ANKRD13C: variants seen among roughly 807,000 people sequenced by gnomAD.
ANKRD13C encodes the protein ankyrin repeat domain 13C, also known as ankyrin repeat domain-containing protein 13C.
Under a neutral mutation model 65.5 loss-of-function variants are expected in ANKRD13C, and 16 were observed. The ratio of observed to expected loss-of-function variants is 0.24; its 90% CI spans 0.17 to 0.37. The LOEUF (loss-of-function observed/expected upper bound fraction) is 0.37, where lower values mean the gene tolerates loss of function less well. Among genes scored for constraint, ANKRD13C ranks in the 10% least tolerant of loss-of-function variants. The pLI is 1.00. For missense variants in ANKRD13C, 503 were observed against 655.9 expected (o/e 0.77, Z 2.55); for synonymous variants, 235 against 238.7 (o/e 0.98, Z 0.14).
intron 9 of ANKRD13C, among the ~76,000 whole-genome samples, chr1:70,277,618 T>C (rs1199735060): frequency 6.6e-6 from 1 of 151,944 alleles, no homozygotes; most frequent in Non-Finnish European, 1.5e-5. Context: ...AAGATAGCAA[T>C]CTTCTGTGGG....
intron 10 of ANKRD13C, among the ~76,000 whole-genome samples, chr1:70,275,868 A>G (rs1679109180): frequency 6.7e-6 from 1 of 150,324 alleles, no homozygotes; most frequent in African/African-American, 2.4e-5. Context: ...GGCTGAGGTG[A>G]GAAAATGGCT....
intron 6 of ANKRD13C, among the ~76,000 whole-genome samples, chr1:70,304,061 T>A (rs1178609803): frequency 6.6e-6 from 1 of 152,124 alleles, no homozygotes; most frequent in South Asian, 2.1e-4. Flanking sequence ...TGTGTGTGTG[T>A]GACAGGGACT....
At position 70,262,681 on chromosome 1, in the gene ANKRD13C, C is replaced by A; in HGVS notation, c.*36G>T. The stretch of plus-strand genomic sequence containing the variant: ...TCCACTTCTAGGGTCTCTGTATTTT[C>A]TTTCCTTGGTTAGACGGCATCCTTT... On this transcript the variant is annotated 3_prime_UTR_variant, in exon 13 of 13. Transcript: ENST00000370944. The A allele has an allele frequency of 6.3e-7, 1 of 1,596,280 alleles. No homozygotes were observed. Among genetic ancestry groups the A allele is most frequent in the South Asian group, 1.1e-5 (1 of 88,772 alleles).
intron 2 of ANKRD13C, among the ~76,000 whole-genome samples, chr1:70,330,280 G>A (rs920921624): frequency 4.6e-5 from 7 of 152,014 alleles, no homozygotes; most frequent in Admixed American, 2.0e-4. Flanking sequence ...CATTTAGGCC[G>A]GAAACAGTGG....
chr1:70,271,616 A>G (rs1367587782), intron 11 of ANKRD13C, among the ~76,000 whole-genome samples: 2 of 152,114 alleles, frequency 1.3e-5, no homozygotes, highest in Non-Finnish European at 2.9e-5. Flanking sequence ...TCAGATAAGT[A>G]AAGACATATG....
chr1:70,330,231 GA>G (rs1681724856), intron 2 of ANKRD13C, among the ~76,000 whole-genome samples: 1 of 152,092 alleles, frequency 6.6e-6, no homozygotes, highest in Admixed American at 6.6e-5. Context: ...TCAAGGCAAG[GA>G]CTGTGAAAAA....
At chr1:70,326,777 C>T (rs1174148530) in intron 2 of ANKRD13C, among the ~76,000 whole-genome samples, 2 of 151,472 alleles carry the variant, frequency 1.3e-5, no homozygotes, top group Non-Finnish European at 1.5e-5. Context: ...AGACTAGAGT[C>T]ATATCAAAAG....
Position 70,262,864 on chromosome 1 carries a change from A to G in ANKRD13C, c.1496-17T>C, listed in dbSNP as rs190340576. 3.1e-6 allele frequency: 5 copies of G among 1,601,394 alleles called. No homozygotes were observed. The Admixed American group carries it at 6.7e-5, about 21-fold the overall frequency. On this transcript the variant is annotated splice_polypyrimidine_tract_variant and intron_variant, in intron 12 of 12. Transcript: ENST00000370944. ...CAGGTATATCTACAGAGAGAACATC[A>G]ATGATAGCATTGTAAAATCAAATGT...
At chr1:70,277,005 T>C (rs1289951579) in intron 9 of ANKRD13C, among the ~76,000 whole-genome samples, 161 bp from the exon 10 acceptor site, 5 of 152,160 alleles carry the variant, frequency 3.3e-5, no homozygotes, top group African/African-American at 1.2e-4. Context: ...CGTTCCATGG[T>C]GGTTTAAGCT....
intron 2 of ANKRD13C, among the ~76,000 whole-genome samples, chr1:70,327,381 G>A (rs1681587306): frequency 6.6e-6 from 1 of 152,162 alleles, no homozygotes; most frequent in African/African-American, 2.4e-5. Flanking sequence ...GAAACATGGA[G>A]AGAAAATGAT....
intron 6 of ANKRD13C, among the ~76,000 whole-genome samples, chr1:70,303,080 G>A (rs539241005): frequency 2.0e-5 from 3 of 152,222 alleles, no homozygotes; most frequent in African/African-American, 7.2e-5. Flanking sequence ...TAGATCTAGC[G>A]ATATGTAAAA....
At chr1:70,262,887 T>C in intron 12 of ANKRD13C, 40 bp from the exon 13 acceptor site, 2 of 1,561,656 alleles carry the variant, frequency 1.3e-6, no homozygotes, top group Non-Finnish European at 1.7e-6. Flanking sequence ...TAAAATCAAA[T>C]GTTAATATTC....
intron 5 of ANKRD13C, among the ~76,000 whole-genome samples, chr1:70,307,458 T>C (rs910518017): frequency 2.0e-5 from 3 of 152,156 alleles, no homozygotes; most frequent in Non-Finnish European, 4.4e-5. Context: ...AAAAAAATTT[T>C]AAATGCTGTA....
chr1:70,354,197 T>A lies in ANKRD13C; in HGVS notation c.212A>T (p.Asn71Ile), dbSNP rs372720742. Residue 71 changes from asparagine (N) to isoleucine (I), a missense_variant, in exon 1 of 13, where the codon AAT becomes ATT. Physicochemically the swap from Asn to Ile is moderately radical, Grantham distance 149. Coordinates refer to ENST00000370944, the MANE Select transcript of ANKRD13C (RefSeq NM_030816.5). ...CGGCAGAGCCGGGGCGCCGGGGGGA[T>A]TGGAGGAGGCCGGAGCTGCCTTCAG... The part of the protein sequence containing the change: ...LQLKAAPASS[N>I]PPGAPALPLH... The A allele has an allele frequency of 1.9e-6, 3 of 1,613,556 alleles. No individual in the cohort carries two copies. The African/African-American group carries it at 4.0e-5, about 22-fold the overall frequency.
In ANKRD13C at chr1:70,341,363, G is replaced by GTT. The variant is rs35739788; in HGVS notation, c.431-5266_431-5265dup. On this transcript the variant is annotated intron_variant, in intron 1 of 12. Coordinates refer to ENST00000370944, the MANE Select transcript of ANKRD13C (RefSeq NM_030816.5). ...GTCCAAATCTACCATCTTTTTGTGT[G>GTT]TTTTTTTTTTTTTTTTTTTGAGAAG... Among the ~76,000 whole-genome samples, 462 of 109,130 alleles carry GTT rather than the reference G, an allele frequency of 4.2e-3. 5 individuals carry two copies. Among genetic ancestry groups the GTT allele is most frequent in the African/African-American group, 0.012 (340 of 27,584 alleles). The allele number at this position is 109,130 out of a possible 152,430, so 71.6% of individuals were successfully genotyped here.
intron 1 of ANKRD13C, among the ~76,000 whole-genome samples, chr1:70,344,648 T>G (rs1459776717): frequency 2.0e-5 from 3 of 152,102 alleles, no homozygotes; most frequent in Non-Finnish European, 4.4e-5. Context: ...ATAATAGTTA[T>G]TTTCCAAAAT....
chr1:70,271,490 G>C (rs1361584102), intron 11 of ANKRD13C, among the ~76,000 whole-genome samples: 5 of 151,860 alleles, frequency 3.3e-5, no homozygotes, highest in Admixed American at 3.3e-4. Flanking sequence ...ATTTTTCTTT[G>C]AAAAAAGTCC....
intron 9 of ANKRD13C, among the ~76,000 whole-genome samples, chr1:70,290,541 T>G (rs1679818348): frequency 7.2e-6 from 1 of 138,318 alleles, no homozygotes; most frequent in Non-Finnish European, 1.5e-5. Flanking sequence ...TTTTTCTCCT[T>G]TTTTTTTTTT....
At chr1:70,275,459 A>G (rs1463435906) in intron 10 of ANKRD13C, among the ~76,000 whole-genome samples, 10 of 152,088 alleles carry the variant, frequency 6.6e-5, no homozygotes, top group Non-Finnish European at 1.3e-4. Flanking sequence ...AGTTAAAAAA[A>G]CAGAAGACTT....
Sources: allele counts gnomAD v4.1 joint callset (sites outside exome capture counted in the v4.1 genomes callset), GRCh38; gene constraint gnomAD v4.1.1; transcripts MANE v1.5; gene names NCBI Gene and HGNC (gene_info 2026-07-23, HGNC 2026-07-21).